AIFM1: variants seen among roughly 807,000 people sequenced by gnomAD.
The protein encoded by AIFM1 is apoptosis-inducing factor 1, mitochondrial.
In AIFM1, 3 loss-of-function variants were observed where a neutral mutation model predicts 51.7. The observed-to-expected ratio is 0.06, with a 90% CI of 0.03 to 0.15. AIFM1 has a LOEUF of 0.15. Ranked by LOEUF, AIFM1 falls within the 10% of genes least tolerant of loss-of-function variation. The probability of loss-of-function intolerance (pLI) is 1.00; values close to 1 mark genes in which losing one functional copy is unlikely to be tolerated. For missense variants in AIFM1, 330 were observed against 476.8 expected (o/e 0.69, Z 2.87); for synonymous variants, 178 against 179.4 (o/e 0.99, Z 0.06).
chrX:130,162,465 T>C (rs1197926284), intron 1 of AIFM1, among the ~76,000 whole-genome samples: 6 of 112,316 alleles, frequency 5.3e-5, no homozygotes, highest in African/African-American at 1.9e-4. Context: ...AAACATGATC[T>C]AGAAGAAAGC....
chrX:130,147,422 G>C, intron 5 of AIFM1, 71 bp downstream of exon 5: 2 of 1,189,477 alleles, frequency 1.7e-6, no homozygotes, highest in Non-Finnish European at 2.3e-6. Context: ...TACACAGTCA[G>C]TGGCAAAATC....
chrX:130,160,794 G>A (rs981303006), intron 1 of AIFM1, among the ~76,000 whole-genome samples: 1 of 110,223 alleles, frequency 9.1e-6, no homozygotes, highest in African/African-American at 3.3e-5. Context: ...TGTAATCCCA[G>A]CACCTTGGGA....
At chrX:130,154,073 A>G (rs955234264) in intron 2 of AIFM1, among the ~76,000 whole-genome samples, 6 of 112,734 alleles carry the variant, frequency 5.3e-5, no homozygotes, top group Admixed American at 9.4e-5. Flanking sequence ...AAAACTGTAC[A>G]TAACAGTTCA....
chrX:130,130,850 A>C (rs1364892502), intron 14 of AIFM1, among the ~76,000 whole-genome samples: 1 of 112,289 alleles, frequency 8.9e-6, no homozygotes, highest in Admixed American at 9.5e-5. Context: ...GCTGAGAACC[A>C]CCAGCCTCCA....
intron 1 of AIFM1, among the ~76,000 whole-genome samples, chrX:130,159,199 T>C (rs940417518): frequency 8.9e-6 from 1 of 111,853 alleles, no homozygotes; most frequent in Non-Finnish European, 1.9e-5. Context: ...AAATGAGTTA[T>C]GAAAACTTGA....
At chrX:130,137,405 T>A (rs2030392181) in intron 9 of AIFM1, 7 of 1,156,014 alleles carry the variant, frequency 6.1e-6, no homozygotes, top group Non-Finnish European at 8.1e-6. Flanking sequence ...GGCCCCAGAT[T>A]AAGCTTCAGA....
intron 2 of AIFM1, among the ~76,000 whole-genome samples, chrX:130,151,626 T>C (rs2030983574): frequency 8.9e-6 from 1 of 112,538 alleles, no homozygotes; most frequent in African/African-American, 3.2e-5. Flanking sequence ...TTGAATTTAC[T>C]ACTAAATGTA....
chrX:130,129,928 C>T (rs1354901032), intron 15 of AIFM1, 42 bp downstream of exon 15: 9 of 1,195,277 alleles, frequency 7.5e-6, no homozygotes, highest in South Asian at 3.5e-5. Context: ...GTTTCTAAGC[C>T]GTACTTCCCA....
intron 6 of AIFM1, among the ~76,000 whole-genome samples, chrX:130,144,167 T>A (rs2030674785): frequency 9.0e-6 from 1 of 111,215 alleles, no homozygotes; most frequent in African/African-American, 3.3e-5. Flanking sequence ...ACCTCTTACT[T>A]TCTTCTTCTT....
Position 130,129,460 on chromosome X carries a change from A to G in AIFM1, c.*97T>C. On this transcript the variant is annotated 3_prime_UTR_variant, in exon 16 of 16. Transcript: ENST00000287295. ...ACAAAGGACTTGATCATTCACACTC[A>G]TACACAGAGAAAGTCTGCTGAATAA... 2.9e-6 allele frequency: 2 copies of G among 683,463 alleles called. No homozygotes were observed. 56.3% of individuals were successfully genotyped at this position (683,463 alleles called of 1,213,427 possible). A position where few individuals can be genotyped will look rare whatever the true frequency, so the allele number is the denominator to read the frequency against.
At chrX:130,145,674 G>A (rs1328332171) in intron 5 of AIFM1, 105 bp from the exon 6 acceptor site, 6 of 594,868 alleles carry the variant, frequency 1.0e-5, no homozygotes, top group Middle Eastern at 4.9e-4. Context: ...TTTAAGGGAC[G>A]TTTTCCAAAG....
At position 130,129,460 on chromosome X, in the gene AIFM1, A is replaced by T; in HGVS notation, c.*97T>A. ...ACAAAGGACTTGATCATTCACACTC[A>T]TACACAGAGAAAGTCTGCTGAATAA... On this transcript the variant is annotated 3_prime_UTR_variant, in exon 16 of 16. Coordinates refer to ENST00000287295, the MANE Select transcript of AIFM1 (RefSeq NM_004208.4). 2.9e-6 allele frequency: 2 copies of T among 683,463 alleles called. No homozygotes were observed. The highest frequency in any genetic ancestry group is 4.8e-6 in the Non-Finnish European group (2 of 413,912). The allele number at this position is 683,463 out of a possible 1,213,427, so 56.3% of individuals were successfully genotyped here.
intron 5 of AIFM1, among the ~76,000 whole-genome samples, chrX:130,147,163 C>G (rs2030788668): frequency 9.0e-6 from 1 of 111,164 alleles, no homozygotes; most frequent in Admixed American, 9.6e-5. Flanking sequence ...GACTCCATCT[C>G]AAAAAATAAA....
intron 2 of AIFM1, among the ~76,000 whole-genome samples, chrX:130,150,428 C>T (rs1215124787): frequency 4.1e-5 from 4 of 97,430 alleles, no homozygotes; most frequent in East Asian, 3.3e-4. Flanking sequence ...CTCTGCCTCC[C>T]GGGTTCACGC....
chrX:130,154,706 T>C (rs769264232), intron 2 of AIFM1, among the ~76,000 whole-genome samples: 5 of 112,370 alleles, frequency 4.4e-5, no homozygotes, highest in Non-Finnish European at 7.5e-5. Flanking sequence ...TGCCTTTTCA[T>C]AGTCAAAGTC....
chrX:130,146,472 TG>T (rs1430510980), intron 5 of AIFM1, among the ~76,000 whole-genome samples: 5 of 107,788 alleles, frequency 4.6e-5, no homozygotes, highest in African/African-American at 1.7e-4. Context: ...TGTGTGTGTG[TG>T]TGTGTGTGTG....
At position 130,149,811 on chromosome X, in the gene AIFM1, A is replaced by G. The variant is rs3213522; in HGVS notation, c.250-243T>C. ...CCAGTTTCAGATTTTTAGGCTCTCT[A>G]TAAAGAATTCTCCCCATATTTTATT... On this transcript the variant is annotated intron_variant, in intron 2 of 15. Transcript: ENST00000287295. 0.53 allele frequency among the ~76,000 whole-genome samples: 58,338 copies of G among 110,708 alleles called. 12,505 individuals carry two copies. The highest frequency in any genetic ancestry group is 0.81 in the African/African-American group (24,683 of 30,296).
rs369933132 is a variant in AIFM1 at position 130,148,598 on chromosome X, C to T, written c.350-722G>A. 6.3e-5 allele frequency among the ~76,000 whole-genome samples: 7 copies of T among 110,700 alleles called. No homozygotes were observed. The East Asian group carries it at 2.0e-3, about 32-fold the overall frequency. On this transcript the variant is annotated intron_variant, in intron 3 of 15. Transcript: ENST00000287295. ...CCTGTAATCCCAGCACTTTGGGAGGCCGAAGCAGGCGGATCACCTGAGGTC... is the reference window on the plus strand; with the variant it reads ...CCTGTAATCCCAGCACTTTGGGAGGTCGAAGCAGGCGGATCACCTGAGGTC...
At chrX:130,144,310 G>A (rs755641541) in intron 6 of AIFM1, among the ~76,000 whole-genome samples, 10 of 111,305 alleles carry the variant, frequency 9.0e-5, no homozygotes, top group African/African-American at 3.3e-4. Context: ...ACGGCCAATG[G>A]TGATTATTTA....
Sources: allele counts gnomAD v4.1 joint callset (sites outside exome capture counted in the v4.1 genomes callset), GRCh38; gene constraint gnomAD v4.1.1; transcripts MANE v1.5; gene names NCBI Gene and HGNC (gene_info 2026-07-23, HGNC 2026-07-21).